Variants in ANO3 observed in about 807,000 individuals in gnomAD.
The protein encoded by ANO3 is anoctamin 3, also known as anoctamin-3.
Under a neutral mutation model 144.8 loss-of-function variants are expected in ANO3, and 99 were observed. The ratio of observed to expected loss-of-function variants is 0.68; its 90% CI spans 0.58 to 0.81. The LOEUF (loss-of-function observed/expected upper bound fraction) is 0.81. ANO3 is among the 30% of genes least tolerant of loss of function. The pLI is 0.00. For synonymous variants in ANO3, 414 were observed against 392.6 expected (o/e 1.05, Z -0.64); for missense variants, 905 against 1,202.2 (o/e 0.75, Z 3.66).
intron 7 of ANO3, among the ~76,000 whole-genome samples, chr11:26,530,837 C>A (rs1375614518): frequency 6.6e-6 from 1 of 152,044 alleles, no homozygotes; most frequent in Non-Finnish European, 1.5e-5. Context: ...CCACTGGACT[C>A]CAGCCAGGTG....
intron 17 of ANO3, among the ~76,000 whole-genome samples, chr11:26,612,499 T>C (rs745503665): frequency 2.3e-4 from 35 of 150,634 alleles, no homozygotes; most frequent in Non-Finnish European, 4.6e-4. Flanking sequence ...TATTTGAATT[T>C]AAACCTTTCA....
intron 3 of ANO3, among the ~76,000 whole-genome samples, chr11:26,449,000 A>T (rs940539509): frequency 1.3e-5 from 2 of 152,298 alleles, no homozygotes; most frequent in Admixed American, 6.5e-5. Flanking sequence ...ATTAAATCCC[A>T]TCATTTCTGT....
At chr11:26,520,918 A>G (rs942015061) in intron 6 of ANO3, among the ~76,000 whole-genome samples, 9 of 152,162 alleles carry the variant, frequency 5.9e-5, no homozygotes, top group Admixed American at 5.9e-4. Context: ...AGAGGCAGTT[A>G]TAAATTGTAT....
intron 17 of ANO3, among the ~76,000 whole-genome samples, chr11:26,623,372 A>G (rs1000795039): frequency 6.6e-6 from 1 of 152,228 alleles, no homozygotes; most frequent in Admixed American, 6.5e-5. Flanking sequence ...TTATTGAATT[A>G]TGTGGTTATG....
intron 1 of ANO3, among the ~76,000 whole-genome samples, chr11:26,375,037 C>A (rs1396147896): frequency 6.6e-6 from 1 of 152,198 alleles, no homozygotes; most frequent in South Asian, 2.1e-4. Context: ...AGCCACCATG[C>A]CTGGCCGTGT....
intron 17 of ANO3, among the ~76,000 whole-genome samples, chr11:26,615,414 A>ATATATATATATATTTTTTTT (rs1352935016): frequency 3.1e-5 from 4 of 130,686 alleles, no homozygotes; most frequent in African/African-American, 1.2e-4. Context: ...ATATATATAT[A>ATATATATATATATTTTTTTT]TTTTTTTTTT....
intron 1 of ANO3, among the ~76,000 whole-genome samples, chr11:26,391,259 C>A (rs1228049775): frequency 1.3e-5 from 2 of 152,128 alleles, no homozygotes; most frequent in Non-Finnish European, 2.9e-5. Flanking sequence ...CAGAGACAGA[C>A]AGCCTGGCTT....
At chr11:26,564,510 T>G (rs961413316) in intron 14 of ANO3, among the ~76,000 whole-genome samples, 3 of 150,604 alleles carry the variant, frequency 2.0e-5, no homozygotes, top group Non-Finnish European at 4.4e-5. Context: ...TTAGTTATTT[T>G]TTTTCATTTT....
chr11:26,473,095 T>A lies in ANO3; in HGVS notation c.432+9947T>A, dbSNP rs190375198. On this transcript the variant is annotated intron_variant, in intron 4 of 26. Coordinates refer to ENST00000256737, the MANE Select transcript of ANO3 (RefSeq NM_031418.4). ...ACATATTAGAGTAATATACCATTTGTTCTTTAACTGTTTCAAACATTGTGT... is the reference window on the plus strand; with the variant it reads ...ACATATTAGAGTAATATACCATTTGATCTTTAACTGTTTCAAACATTGTGT... 4.0e-3 allele frequency among the ~76,000 whole-genome samples: 614 copies of A among 152,062 alleles called. 3 individuals carry two copies. The highest frequency in any genetic ancestry group is 0.014 in the African/African-American group (569 of 41,530).
Position 26,660,615 on chromosome 11 carries a change from G to A in ANO3, c.*171G>A. 6.7e-6 allele frequency: 4 copies of A among 600,032 alleles called. No individual in the cohort carries two copies. Among genetic ancestry groups the A allele is most frequent in the Non-Finnish European group, 1.1e-5 (4 of 362,150 alleles). The allele number at this position is 600,032 out of a possible 1,614,324, so 37.2% of individuals were successfully genotyped here. The stretch of plus-strand genomic sequence containing the variant: ...GGGATTTGAAATATCCAGACTTGTA[G>A]GGAAGAAAACAATGACTTGACGACC... On this transcript the variant is annotated 3_prime_UTR_variant, in exon 27 of 27. Transcript: ENST00000256737.
chr11:26,588,333 T>C (rs1051195568), intron 14 of ANO3, among the ~76,000 whole-genome samples: 1 of 34,638 alleles, frequency 2.9e-5, no homozygotes, highest in Non-Finnish European at 9.2e-5. Flanking sequence ...TTTTTCTGTA[T>C]ACCTTTTTCT....
chr11:26,203,749 C>T (rs553345866), intron 1 of ANO3, among the ~76,000 whole-genome samples: 2 of 152,238 alleles, frequency 1.3e-5, no homozygotes, highest in East Asian at 3.9e-4. Flanking sequence ...CTTGCATCTA[C>T]TGTTTGTCAT....
intron 1 of ANO3, among the ~76,000 whole-genome samples, chr11:26,405,862 C>G (rs1857264184): frequency 6.6e-6 from 1 of 151,842 alleles, no homozygotes; most frequent in Admixed American, 6.6e-5. Context: ...ATACATACTA[C>G]AGGTGGCCTT....
At chr11:26,452,612 C>G (rs1358712508) in intron 3 of ANO3, among the ~76,000 whole-genome samples, 1 of 152,154 alleles carries the variant, frequency 6.6e-6, no homozygotes, top group African/African-American at 2.4e-5. Flanking sequence ...GATTGGTATA[C>G]CTGAAAGTGA....
At chr11:26,562,086 T>G (rs1850316376) in intron 14 of ANO3, among the ~76,000 whole-genome samples, 1 of 151,878 alleles carries the variant, frequency 6.6e-6, no homozygotes, top group Non-Finnish European at 1.5e-5. Context: ...CACAGCAGTT[T>G]AGATTGTATC....
At chr11:26,298,887 C>A (rs1368314119) in intron 1 of ANO3, among the ~76,000 whole-genome samples, 1 of 152,144 alleles carries the variant, frequency 6.6e-6, no homozygotes, top group Non-Finnish European at 1.5e-5. Context: ...TGACTGAATA[C>A]AGTCTGGGAG....
Position 26,332,159 on chromosome 11 carries a change from TCGGATTGCAGTG to T in ANO3, c.-114_-103del. 6.3e-7 allele frequency: 1 copy of T among 1,584,638 alleles called. No individual in the cohort carries two copies. Among genetic ancestry groups the T allele is most frequent in the Non-Finnish European group, 8.6e-7 (1 of 1,166,026 alleles). On this transcript the variant is annotated 5_prime_UTR_variant, in exon 1 of 27. Coordinates refer to ENST00000256737, the MANE Select transcript of ANO3 (RefSeq NM_031418.4). ...AGCGAAGTGCCGGCTACAGCAGGTG[TCGGATTGCAGTG>T]CGCTCGCTGAGGCTCCGGACCTTGG... is the stretch of plus-strand genomic sequence containing the variant.
At chr11:26,455,971 G>A (rs1265934605) in intron 3 of ANO3, among the ~76,000 whole-genome samples, 2 of 151,400 alleles carry the variant, frequency 1.3e-5, no homozygotes, top group Admixed American at 6.6e-5. Flanking sequence ...CAAGCAATGG[G>A]GAAAGGATTC....
intron 1 of ANO3, among the ~76,000 whole-genome samples, chr11:26,386,339 G>C (rs564539625): frequency 6.6e-6 from 1 of 152,288 alleles, no homozygotes; most frequent in South Asian, 2.1e-4. Flanking sequence ...GCTAAATGGT[G>C]ATGAAAGATC....
Sources: allele counts gnomAD v4.1 joint callset (sites outside exome capture counted in the v4.1 genomes callset), GRCh38; gene constraint gnomAD v4.1.1; transcripts MANE v1.5; gene names NCBI Gene and HGNC (gene_info 2026-07-23, HGNC 2026-07-21).